ARHGAP6: variants seen among roughly 807,000 people sequenced by gnomAD.
ARHGAP6 encodes the protein rho GTPase-activating protein 6.
A neutral mutation model predicts 55.7 loss-of-function variants in ARHGAP6; 16 were observed. The observed-to-expected ratio is 0.29, with a 90% CI of 0.19 to 0.44. ARHGAP6 has a LOEUF of 0.44. ARHGAP6 is among the 20% of genes least tolerant of loss of function. The probability of loss-of-function intolerance (pLI) is 1.00; values close to 1 mark genes in which losing one functional copy is unlikely to be tolerated. For synonymous variants in ARHGAP6, 382 were observed against 360.9 expected (o/e 1.06, Z -0.66); for missense variants, 698 against 808.9 (o/e 0.86, Z 1.66).
chrX:11,175,423 C>T (rs1370172836), intron 8 of ARHGAP6, among the ~76,000 whole-genome samples: 1 of 111,901 alleles, frequency 8.9e-6, no homozygotes, highest in Non-Finnish European at 1.9e-5. Flanking sequence ...CCTCGTAAAC[C>T]CTGGCTTCCT....
chrX:11,164,499 G>A (rs1202897697), intron 9 of ARHGAP6, among the ~76,000 whole-genome samples: 2 of 112,331 alleles, frequency 1.8e-5, no homozygotes, highest in Non-Finnish European at 3.8e-5. Flanking sequence ...GGTGTGCAAA[G>A]TGGCTTTAAG....
At chrX:11,204,590 T>G (rs1212885595) in intron 2 of ARHGAP6, among the ~76,000 whole-genome samples, 1 of 111,819 alleles carries the variant, frequency 8.9e-6, no homozygotes, top group African/African-American at 3.3e-5. Flanking sequence ...GAGGTCTCTT[T>G]ACAACTGGAG....
intron 1 of ARHGAP6, among the ~76,000 whole-genome samples, chrX:11,415,577 C>T (rs998145557): frequency 3.6e-5 from 4 of 112,288 alleles, no homozygotes; most frequent in Admixed American, 9.4e-5. Flanking sequence ...CTCGTTGCTT[C>T]ACATCCTTAC....
chrX:11,465,917 G>A (rs940701524), intron 1 of ARHGAP6, among the ~76,000 whole-genome samples: 4 of 110,558 alleles, frequency 3.6e-5, no homozygotes, highest in Non-Finnish European at 7.6e-5. Flanking sequence ...TCATGCAGAC[G>A]AGTATGTCTC....
intron 1 of ARHGAP6, among the ~76,000 whole-genome samples, chrX:11,484,236 G>T (rs1603228155): frequency 9.1e-6 from 1 of 110,357 alleles, no homozygotes; most frequent in Non-Finnish European, 1.9e-5. Context: ...CTTTGCCCTG[G>T]TATGTGCAGC....
intron 1 of ARHGAP6, among the ~76,000 whole-genome samples, chrX:11,419,403 A>C (rs1195215202): frequency 8.9e-6 from 1 of 112,308 alleles, no homozygotes; most frequent in Non-Finnish European, 1.9e-5. Flanking sequence ...TTTGAGATAA[A>C]AGTTAAGACC....
chrX:11,656,902 A>C (rs1336740354), intron 1 of ARHGAP6, among the ~76,000 whole-genome samples: 1 of 112,330 alleles, frequency 8.9e-6, no homozygotes, highest in Non-Finnish European at 1.9e-5. Flanking sequence ...TGCAATTAAC[A>C]CTCTGAAAAA....
chrX:11,574,061 T>G (rs1380094290), intron 1 of ARHGAP6, among the ~76,000 whole-genome samples: 2 of 111,120 alleles, frequency 1.8e-5, no homozygotes, highest in Non-Finnish European at 3.8e-5. Context: ...AATAACAGGA[T>G]CTGAAATTGT....
chrX:11,606,779 T>A (rs901954098), intron 1 of ARHGAP6, among the ~76,000 whole-genome samples: 1 of 111,866 alleles, frequency 8.9e-6, no homozygotes, highest in Non-Finnish European at 1.9e-5. Context: ...TTAATTTAGG[T>A]ACCACTTTCA....
At chrX:11,274,087 T>C (rs2047725548) in intron 1 of ARHGAP6, among the ~76,000 whole-genome samples, 2 of 111,577 alleles carry the variant, frequency 1.8e-5, no homozygotes, top group Non-Finnish European at 3.8e-5. Flanking sequence ...CACTATCCTA[T>C]GCTACTTTTC....
At chrX:11,237,907 G>C (rs1327395983) in intron 2 of ARHGAP6, among the ~76,000 whole-genome samples, 1 of 111,838 alleles carries the variant, frequency 8.9e-6, no homozygotes, top group East Asian at 2.8e-4. Context: ...TAACTTTTCA[G>C]TGGAGAATAG....
intron 1 of ARHGAP6, among the ~76,000 whole-genome samples, chrX:11,300,435 C>T (rs2048156640): frequency 9.0e-6 from 1 of 111,688 alleles, no homozygotes; most frequent in South Asian, 3.7e-4. Context: ...TCCTCATGGA[C>T]ACCTAATATC....
chrX:11,426,687 A>G (rs2049882996), intron 1 of ARHGAP6, among the ~76,000 whole-genome samples: 3 of 110,683 alleles, frequency 2.7e-5, no homozygotes, highest in African/African-American at 9.9e-5. Flanking sequence ...AATCTTCAGA[A>G]GTAGTAGTCA....
intron 1 of ARHGAP6, among the ~76,000 whole-genome samples, chrX:11,327,850 A>G (rs1324589200): frequency 8.9e-6 from 1 of 112,170 alleles, no homozygotes; most frequent in Non-Finnish European, 1.9e-5. Flanking sequence ...TTATTCATTT[A>G]CAACAGGCTT....
chrX:11,330,712 G>A (rs902230596), intron 1 of ARHGAP6, among the ~76,000 whole-genome samples: 1 of 111,801 alleles, frequency 8.9e-6, no homozygotes, highest in Non-Finnish European at 1.9e-5. Context: ...ATAGAACAGT[G>A]GAGAAACTTG....
At chrX:11,395,533 A>G (rs1032701631) in intron 1 of ARHGAP6, among the ~76,000 whole-genome samples, 2 of 112,227 alleles carry the variant, frequency 1.8e-5, no homozygotes, top group Non-Finnish European at 3.8e-5. Context: ...AGGTGAGGAC[A>G]CAGGACATGC....
chrX:11,654,888 T>G (rs1238897531), intron 1 of ARHGAP6, among the ~76,000 whole-genome samples: 1 of 112,413 alleles, frequency 8.9e-6, no homozygotes, highest in Non-Finnish European at 1.9e-5. Context: ...AAATATCATT[T>G]TTAGGTAAAA....
At chrX:11,460,789 C>T (rs1302053674) in intron 1 of ARHGAP6, among the ~76,000 whole-genome samples, 1 of 111,826 alleles carries the variant, frequency 8.9e-6, no homozygotes, top group Non-Finnish European at 1.9e-5. Context: ...CTACTGTTTA[C>T]TAGCTGTGTG....
At chrX:11,587,881 G>A (rs775949645) in intron 1 of ARHGAP6, among the ~76,000 whole-genome samples, 1 of 112,304 alleles carries the variant, frequency 8.9e-6, no homozygotes, top group Non-Finnish European at 1.9e-5. Context: ...AGAAAGCAAA[G>A]GGAGAAGAGT....
Sources: gnomAD v4.1 joint callset for allele counts (sites outside exome capture counted in the v4.1 genomes callset) on GRCh38, gnomAD v4.1.1 for gene constraint, MANE v1.5 for transcripts, NCBI Gene and HGNC (gene_info 2026-07-23, HGNC 2026-07-21) for gene names.